SATL1: variants seen among roughly 807,000 people sequenced by gnomAD.
The protein encoded by SATL1 is spermidine/spermine N(1)-acetyltransferase-like protein 1.
In SATL1, 47 loss-of-function variants were observed where a neutral mutation model predicts 51.8. That is an observed-to-expected ratio of 0.91 (90% CI 0.72 to 1.16). The LOEUF (loss-of-function observed/expected upper bound fraction) is 1.16. Among genes scored for constraint, SATL1 ranks in the 50% most tolerant of loss-of-function variants. SATL1 has a pLI of 0.00. For missense variants in SATL1, 520 were observed against 526.4 expected (o/e 0.99, Z 0.12); for synonymous variants, 176 against 182.4 (o/e 0.97, Z 0.28).
intron 1 of SATL1, among the ~76,000 whole-genome samples, chrX:85,240,695 C>A (rs983343278): frequency 9.1e-6 from 1 of 110,347 alleles, no homozygotes; most frequent in Non-Finnish European, 1.9e-5. Flanking sequence ...CCCTCTCTAT[C>A]GGTATCATTA....
chrX:85,175,029 T>C (rs1160814137), intron 2 of SATL1, among the ~76,000 whole-genome samples: 1 of 111,712 alleles, frequency 9.0e-6, no homozygotes, highest in Non-Finnish European at 1.9e-5. Context: ...AATTATCTAG[T>C]GTTGTGACAA....
intron 2 of SATL1, among the ~76,000 whole-genome samples, chrX:85,161,612 G>A (rs1186191486): frequency 9.0e-6 from 1 of 110,873 alleles, no homozygotes; most frequent in East Asian, 2.8e-4. Context: ...TCAACAAGAA[G>A]ACCTAACTAT....
intron 2 of SATL1, among the ~76,000 whole-genome samples, chrX:85,220,739 A>G (rs1306152407): frequency 2.0e-5 from 2 of 98,975 alleles, no homozygotes; most frequent in African/African-American, 7.4e-5. Flanking sequence ...TCTGTCAACT[A>G]TTGGTCCTGT....
At chrX:85,164,003 T>C (rs1305412317) in intron 2 of SATL1, among the ~76,000 whole-genome samples, 2 of 112,331 alleles carry the variant, frequency 1.8e-5, no homozygotes, top group Admixed American at 1.9e-4. Flanking sequence ...CCTTTTATCA[T>C]TATATAATGT....
At chrX:85,219,186 T>C (rs1400431639) in intron 2 of SATL1, 4 of 111,993 alleles carry the variant, frequency 3.6e-5, no homozygotes, top group Non-Finnish European at 7.5e-5. Context: ...AAATCTAATA[T>C]TAAGTTTTCT....
chrX:85,241,977 C>A (rs1045311749), intron 1 of SATL1, among the ~76,000 whole-genome samples: 12 of 111,731 alleles, frequency 1.1e-4, no homozygotes, highest in African/African-American at 3.9e-4. Context: ...AACTAGTTAG[C>A]AAGGGGTTGC....
chrX:85,129,824 A>G (rs1215613562), intron 2 of SATL1, among the ~76,000 whole-genome samples: 5 of 111,646 alleles, frequency 4.5e-5, no homozygotes, highest in Non-Finnish European at 9.4e-5. Context: ...GCGTTCCATC[A>G]GTACCTAGTT....
At position 85,201,065 on chromosome X, in the gene SATL1, A is replaced by G. The variant is rs1927677230; in HGVS notation, c.-313+23140T>C. ...CTTGTCTACAGTACCTCAGGGTACT[A>G]TTTAATGGTGTTAAATAGAACTCAA... On this transcript the variant is annotated intron_variant, in intron 2 of 7. Transcript: ENST00000644105. Among the ~76,000 whole-genome samples, 3 of 110,928 alleles carry G rather than the reference A, an allele frequency of 2.7e-5. No homozygotes were observed. The Admixed American group carries it at 2.9e-4, about 11-fold the overall frequency.
At chrX:85,195,439 C>T (rs1287860639) in intron 2 of SATL1, among the ~76,000 whole-genome samples, 3 of 111,328 alleles carry the variant, frequency 2.7e-5, no homozygotes, top group Non-Finnish European at 5.6e-5. Context: ...TATGATCAAA[C>T]AGTTGATGAG....
At chrX:85,189,761 G>A (rs1391097627) in intron 2 of SATL1, among the ~76,000 whole-genome samples, 1 of 112,040 alleles carries the variant, frequency 8.9e-6, no homozygotes, top group Non-Finnish European at 1.9e-5. Flanking sequence ...CACAATTGGA[G>A]CGAGACAACT....
intron 2 of SATL1, among the ~76,000 whole-genome samples, chrX:85,165,035 T>A (rs916139265): frequency 6.3e-5 from 7 of 111,527 alleles, no homozygotes; most frequent in Non-Finnish European, 1.1e-4. Flanking sequence ...GATCTTTTTG[T>A]AATAAATTTC....
chrX:85,113,680 T>G (rs1043750513), intron 2 of SATL1, among the ~76,000 whole-genome samples: 2 of 112,794 alleles, frequency 1.8e-5, no homozygotes, highest in African/African-American at 3.2e-5. Context: ...GCTTTAGTTT[T>G]ATTATACTTG....
At chrX:85,215,068 G>T (rs906507892) in intron 2 of SATL1, among the ~76,000 whole-genome samples, 2 of 111,866 alleles carry the variant, frequency 1.8e-5, no homozygotes, top group African/African-American at 6.5e-5. Context: ...CAGTTGTGGG[G>T]ACTCCAACCC....
chrX:85,211,923 T>C (rs1437919868), intron 2 of SATL1: 1 of 111,725 alleles, frequency 9.0e-6, no homozygotes, highest in African/African-American at 3.2e-5. Context: ...AATGTAGAAT[T>C]AATGTGAGCT....
intron 2 of SATL1, among the ~76,000 whole-genome samples, chrX:85,143,754 T>C (rs2147715396): frequency 9.0e-6 from 1 of 111,560 alleles, no homozygotes; most frequent in South Asian, 3.8e-4. Context: ...ATCTCTGAGA[T>C]AAATATGAAA....
intron 2 of SATL1, among the ~76,000 whole-genome samples, chrX:85,125,819 C>A (rs1200085873): frequency 9.1e-6 from 1 of 110,018 alleles, no homozygotes; most frequent in Non-Finnish European, 1.9e-5. Flanking sequence ...CCATTGCAAG[C>A]AGTGTCTTAA....
intron 2 of SATL1, among the ~76,000 whole-genome samples, chrX:85,162,813 T>C (rs1302855179): frequency 9.0e-6 from 1 of 111,213 alleles, no homozygotes; most frequent in African/African-American, 3.3e-5. Context: ...TGATTTTTAG[T>C]TTTAATTCTT....
intron 2 of SATL1, among the ~76,000 whole-genome samples, chrX:85,149,926 C>T (rs758277601): frequency 2.7e-5 from 3 of 111,416 alleles, no homozygotes; most frequent in Admixed American, 9.6e-5. Flanking sequence ...AGAGCGAACA[C>T]ATTCAAAAGC....
At chrX:85,220,343 C>T (rs1449012267) in intron 2 of SATL1, among the ~76,000 whole-genome samples, 1 of 109,286 alleles carries the variant, frequency 9.2e-6, no homozygotes, top group Non-Finnish European at 1.9e-5. Context: ...GGGACTACAA[C>T]TCTTAAGTCC....
Sources: gnomAD v4.1 joint callset for allele counts (sites outside exome capture counted in the v4.1 genomes callset) on GRCh38, gnomAD v4.1.1 for gene constraint, MANE v1.5 for transcripts, NCBI Gene and HGNC (gene_info 2026-07-23, HGNC 2026-07-21) for gene names.